AKAP6: variants seen among roughly 807,000 people sequenced by gnomAD.
The protein encoded by AKAP6 is A-kinase anchor protein 6.
AKAP6 carries 58 observed loss-of-function variants against 188.5 expected under a neutral mutation model. That is an observed-to-expected ratio of 0.31 (90% CI 0.25 to 0.38). The LOEUF is 0.38. Ranked by LOEUF, AKAP6 falls within the 10% of genes least tolerant of loss-of-function variation. The probability of loss-of-function intolerance (pLI) is 1.00; values close to 1 mark genes in which losing one functional copy is unlikely to be tolerated. For synonymous variants in AKAP6, 989 were observed against 998.6 expected (o/e 0.99, Z 0.18); for missense variants, 2,710 against 2,740.0 (o/e 0.99, Z 0.24).
chr14:32,522,465 C>G (rs1881892907), intron 2 of AKAP6, among the ~76,000 whole-genome samples: 1 of 151,248 alleles, frequency 6.6e-6, no homozygotes, highest in Non-Finnish European at 1.5e-5. Flanking sequence ...TATCCAGAAT[C>G]TACAAAGAAC....
intron 2 of AKAP6, among the ~76,000 whole-genome samples, chr14:32,508,970 G>A (rs547643243): frequency 4.0e-5 from 6 of 150,900 alleles, no homozygotes; most frequent in South Asian, 2.1e-4. Flanking sequence ...GACTATAGGC[G>A]TGCACCACCA....
Position 32,620,522 on chromosome 14 carries a change from T to A in AKAP6, c.2730+19730T>A, listed in dbSNP as rs59334261. On this transcript the variant is annotated intron_variant, in intron 7 of 13. Coordinates refer to ENST00000280979, the MANE Select transcript of AKAP6 (RefSeq NM_004274.5). The stretch of plus-strand genomic sequence containing the variant: ...TGTCCTCAGGATGAAACCCACTTGA[T>A]CATGATGAGTTATCTTTTTGATGTG... Among the ~76,000 whole-genome samples, 762 of 152,274 alleles carry A rather than the reference T, an allele frequency of 5.0e-3. 50 individuals are homozygous for A. The East Asian group carries it at 0.12, about 24-fold the overall frequency.
chr14:32,566,702 C>T (rs755762220), intron 4 of AKAP6, among the ~76,000 whole-genome samples: 6 of 152,154 alleles, frequency 3.9e-5, no homozygotes, highest in Admixed American at 6.5e-5. Flanking sequence ...CTAGTGCTAT[C>T]CAATAGTGTA....
intron 2 of AKAP6, among the ~76,000 whole-genome samples, chr14:32,436,902 G>C (rs578034468): frequency 6.6e-6 from 1 of 152,050 alleles, no homozygotes; most frequent in Non-Finnish European, 1.5e-5. Flanking sequence ...CTACATCCTG[G>C]GTGACAAAGT....
intron 7 of AKAP6, among the ~76,000 whole-genome samples, chr14:32,652,205 A>G (rs1420021052): frequency 6.6e-6 from 1 of 152,022 alleles, no homozygotes; most frequent in African/African-American, 2.4e-5. Context: ...CTTTTCCGTC[A>G]TTTTATCCTT....
chr14:32,577,624 A>T (rs909902862), intron 5 of AKAP6, among the ~76,000 whole-genome samples: 1 of 152,030 alleles, frequency 6.6e-6, no homozygotes, highest in Non-Finnish European at 1.5e-5. Context: ...AAATTAATGA[A>T]CCTCTCATTA....
intron 12 of AKAP6, among the ~76,000 whole-genome samples, chr14:32,786,296 A>ATTTTT: frequency 6.4e-5 from 6 of 93,702 alleles, no homozygotes; most frequent in Non-Finnish European, 6.2e-5. Flanking sequence ...CTAAACCTTT[A>ATTTTT]TCTTTTTTTT....
chr14:32,381,281 A>G (rs532091942), intron 1 of AKAP6, among the ~76,000 whole-genome samples: 1 of 152,250 alleles, frequency 6.6e-6, no homozygotes, highest in South Asian at 2.1e-4. Context: ...CAGAAGTTGC[A>G]GTGAGCCAAG....
At chr14:32,759,982 A>G (rs913048453) in intron 11 of AKAP6, among the ~76,000 whole-genome samples, 1 of 152,216 alleles carries the variant, frequency 6.6e-6, no homozygotes, top group Non-Finnish European at 1.5e-5. Flanking sequence ...AAACTTTATC[A>G]AAGCAACAAT....
At chr14:32,734,652 TTGTTACAGCGTAAAAA>T (rs1184262150) in intron 10 of AKAP6, 4 of 152,142 alleles carry the variant, frequency 2.6e-5, no homozygotes, top group African/African-American at 7.2e-5. Context: ...GCTGCTACTT[TTGTTACAGCGTAAAAA>T]CAATAGCTAA....
intron 7 of AKAP6, among the ~76,000 whole-genome samples, chr14:32,674,859 AAAC>A (rs1293763407): frequency 6.6e-6 from 1 of 152,210 alleles, no homozygotes; most frequent in Non-Finnish European, 1.5e-5. Flanking sequence ...TTGAGCCCAC[AAAC>A]AACAACACAC....
chr14:32,585,959 TC>T (rs1885221386), intron 5 of AKAP6, among the ~76,000 whole-genome samples: 1 of 152,246 alleles, frequency 6.6e-6, no homozygotes, highest in East Asian at 1.9e-4. Context: ...GATTAAACTT[TC>T]CTCTGGGGGC....
chr14:32,609,723 G>A (rs1886269461), intron 7 of AKAP6, among the ~76,000 whole-genome samples: 1 of 152,080 alleles, frequency 6.6e-6, no homozygotes, highest in African/African-American at 2.4e-5. Context: ...GAACAGAGGA[G>A]AAAGATTAAA....
intron 4 of AKAP6, among the ~76,000 whole-genome samples, chr14:32,571,780 G>A (rs1884500424): frequency 6.6e-6 from 1 of 152,164 alleles, no homozygotes; most frequent in African/African-American, 2.4e-5. Context: ...TGCCTTCTGA[G>A]AACTAAGGGC....
Position 32,545,265 on chromosome 14 carries a change from A to C in AKAP6, c.612A>C (p.Ser204=), listed in dbSNP as rs747787990. ...RLDSLTEVDD[S]GQLTIKCSQN... is the part of the protein sequence containing the mutation. ...ATTCTCTAACAGAAGTGGATGACTC[A>C]GGACAATTAACCATCAAATGTTCTC... Residue 204 remains serine (S), a synonymous_variant, in exon 4 of 14, where the codon TCA becomes TCC. Coordinates refer to ENST00000280979, the MANE Select transcript of AKAP6 (RefSeq NM_004274.5). 3.7e-6 allele frequency: 6 copies of C among 1,614,120 alleles called. No individual in the cohort carries two copies. The highest frequency in any genetic ancestry group is 5.1e-6 in the Non-Finnish European group (6 of 1,179,982).
intron 4 of AKAP6, among the ~76,000 whole-genome samples, chr14:32,559,434 C>T (rs1883832989): frequency 6.6e-6 from 1 of 152,194 alleles, no homozygotes; most frequent in Non-Finnish European, 1.5e-5. Context: ...GATGTTGGAT[C>T]TGAACAATTT....
At chr14:32,668,045 G>C (rs1889025266) in intron 7 of AKAP6, among the ~76,000 whole-genome samples, 1 of 152,078 alleles carries the variant, frequency 6.6e-6, no homozygotes, top group Non-Finnish European at 1.5e-5. Context: ...AGGATTTGCT[G>C]TAGAGGAATT....
At chr14:32,393,374 C>G (rs538374992) in intron 1 of AKAP6, among the ~76,000 whole-genome samples, 1 of 152,214 alleles carries the variant, frequency 6.6e-6, no homozygotes, top group Non-Finnish European at 1.5e-5. Context: ...TCAAAACTGT[C>G]ATGGTCATAA....
rs75184311 is a variant in AKAP6 at position 32,623,236 on chromosome 14, G to A, written c.2730+22444G>A. On this transcript the variant is annotated intron_variant, in intron 7 of 13. Transcript: ENST00000280979. ...TATGTTTTCAATATTTGTTGTTGTT[G>A]TTAGTGGGAAATCATTATTATGATA... Among the ~76,000 whole-genome samples, 13 of 152,154 alleles carry A rather than the reference G, an allele frequency of 8.5e-5. No individual in the cohort carries two copies. In the East Asian group the frequency reaches 2.5e-3, roughly 29 times the overall value.
Sources: gnomAD v4.1 joint callset for allele counts (sites outside exome capture counted in the v4.1 genomes callset) on GRCh38, gnomAD v4.1.1 for gene constraint, MANE v1.5 for transcripts, NCBI Gene and HGNC (gene_info 2026-07-23, HGNC 2026-07-21) for gene names.